RBFOX1: variants seen among roughly 807,000 people sequenced by gnomAD.
The protein encoded by RBFOX1 is RNA binding fox-1 homolog 1.
Under a neutral mutation model 57.7 loss-of-function variants are expected in RBFOX1, and 8 were observed. The ratio of observed to expected loss-of-function variants is 0.14; its 90% CI spans 0.08 to 0.25. The LOEUF is 0.25. Among genes scored for constraint, RBFOX1 ranks in the 10% least tolerant of loss-of-function variants. The pLI is 1.00. For synonymous variants in RBFOX1, 326 were observed against 222.4 expected (o/e 1.47, Z -4.15); for missense variants, 611 against 548.5 (o/e 1.11, Z -1.14).
At chr16:5,350,797 G>A (rs547900842) in intron 1 of RBFOX1, among the ~76,000 whole-genome samples, 343 of 152,296 alleles carry the variant, frequency 2.3e-3, no homozygotes, top group African/African-American at 7.7e-3. Context: ...ACCCGGAGGC[G>A]GAGGTTGCAG....
At chr16:7,285,075 CTTTTTTTTTTTTTTTT>C (rs58959488) in intron 4 of RBFOX1, among the ~76,000 whole-genome samples, 6 of 42,732 alleles carry the variant, frequency 1.4e-4, no homozygotes, top group Non-Finnish European at 2.4e-4. Flanking sequence ...AGATTCCTTA[CTTTTTTTTTTTTTTTT>C]TTTTTTTTTT....
At chr16:5,700,959 G>A (rs957012157) in intron 3 of RBFOX1, among the ~76,000 whole-genome samples, 2 of 152,212 alleles carry the variant, frequency 1.3e-5, no homozygotes, top group African/African-American at 4.8e-5. Context: ...AAGGTTAAGA[G>A]GAATGCTACT....
intron 1 of RBFOX1, among the ~76,000 whole-genome samples, chr16:6,156,984 TG>T (rs1342785089): frequency 1.3e-5 from 2 of 151,896 alleles, no homozygotes; most frequent in Non-Finnish European, 2.9e-5. Context: ...GGACTGTAGG[TG>T]GGCAGTGACT....
intron 3 of RBFOX1, among the ~76,000 whole-genome samples, chr16:5,831,473 T>TTATTATTATTATTATTATTA (rs2056271261): frequency 7.1e-6 from 1 of 141,518 alleles, no homozygotes; most frequent in Non-Finnish European, 1.5e-5. Flanking sequence ...TCTTTTCTCT[T>TTATTATTATTATTATTATTA]TTATTATTAT....
chr16:6,741,940 A>G (rs1021365415), intron 3 of RBFOX1, among the ~76,000 whole-genome samples: 4 of 152,204 alleles, frequency 2.6e-5, no homozygotes, highest in Admixed American at 2.6e-4. Context: ...ACTGTAGTTA[A>G]TAATTCTGTA....
chr16:6,369,328 G>T (rs2090106005), intron 2 of RBFOX1, among the ~76,000 whole-genome samples: 1 of 152,102 alleles, frequency 6.6e-6, no homozygotes, highest in Admixed American at 6.5e-5. Context: ...TGCTGAACTT[G>T]CTGGGTCGGA....
intron 7 of RBFOX1, among the ~76,000 whole-genome samples, chr16:7,594,475 A>G (rs532364515): frequency 1.3e-5 from 2 of 152,304 alleles, no homozygotes; most frequent in South Asian, 4.1e-4. Flanking sequence ...AAGATGTACA[A>G]ATATTTTTAG....
intron 3 of RBFOX1, among the ~76,000 whole-genome samples, chr16:6,720,143 C>A (rs911709275): frequency 6.6e-5 from 10 of 151,908 alleles, no homozygotes; most frequent in Non-Finnish European, 1.5e-4. Flanking sequence ...TAGTAAAGTG[C>A]ATGCTTAGCA....
chr16:5,430,805 T>C (rs2067709919), intron 1 of RBFOX1, among the ~76,000 whole-genome samples: 1 of 152,240 alleles, frequency 6.6e-6, no homozygotes, highest in Non-Finnish European at 1.5e-5. Context: ...TTTGCAATAG[T>C]CTTTACTGCC....
chr16:5,541,352 T>A (rs8051318), intron 2 of RBFOX1, among the ~76,000 whole-genome samples: 125,557 of 152,086 alleles, frequency 0.83, 52,623 homozygotes, highest in East Asian at 0.99. Context: ...CCCATGACAC[T>A]GCCTCAGGAG....
chr16:6,729,619 G>T (rs1426792722), intron 3 of RBFOX1, among the ~76,000 whole-genome samples: 1 of 152,080 alleles, frequency 6.6e-6, no homozygotes, highest in Non-Finnish European at 1.5e-5. Flanking sequence ...AGGGTTCTTG[G>T]CTGTGTGTAG....
intron 2 of RBFOX1, among the ~76,000 whole-genome samples, chr16:6,396,613 A>T (rs2092847125): frequency 6.6e-6 from 1 of 152,216 alleles, no homozygotes; most frequent in South Asian, 2.1e-4. Flanking sequence ...GCAGAATGGG[A>T]GTGTGAATCC....
At chr16:6,893,709 C>T (rs542220834) in intron 3 of RBFOX1, among the ~76,000 whole-genome samples, 1 of 152,158 alleles carries the variant, frequency 6.6e-6, no homozygotes, top group Non-Finnish European at 1.5e-5. Context: ...AATATCTTTT[C>T]AGTGTAATTT....
chr16:6,817,474 G>C (rs61711771), intron 3 of RBFOX1, among the ~76,000 whole-genome samples: 2 of 149,940 alleles, frequency 1.3e-5, no homozygotes, highest in African/African-American at 4.9e-5. Context: ...CAGGCAGATT[G>C]GTTGAGGTCA....
chr16:6,891,645 C>G (rs1289186064), intron 3 of RBFOX1, among the ~76,000 whole-genome samples: 1 of 152,226 alleles, frequency 6.6e-6, no homozygotes, highest in African/African-American at 2.4e-5. Flanking sequence ...CTTGCTTAAT[C>G]TCTGCAAGTT....
intron 2 of RBFOX1, among the ~76,000 whole-genome samples, chr16:5,598,095 G>A (rs1361694512): frequency 6.6e-6 from 1 of 151,984 alleles, no homozygotes; most frequent in Non-Finnish European, 1.5e-5. Context: ...TCAGGAGTTC[G>A]AGACCAGCCT....
chr16:6,862,743 G>C (rs2059234315), intron 3 of RBFOX1, among the ~76,000 whole-genome samples: 2 of 152,166 alleles, frequency 1.3e-5, no homozygotes, highest in Admixed American at 6.5e-5. Flanking sequence ...CCGGCGCTTT[G>C]TAAGGCCGAG....
At chr16:5,712,361 C>G (rs1461485973) in intron 3 of RBFOX1, among the ~76,000 whole-genome samples, 1 of 152,178 alleles carries the variant, frequency 6.6e-6, no homozygotes, top group Non-Finnish European at 1.5e-5. Flanking sequence ...ATTATGTAGA[C>G]AAGTGCTCTA....
At chr16:7,389,001 T>C (rs1348740478) in intron 4 of RBFOX1, among the ~76,000 whole-genome samples, 1 of 152,232 alleles carries the variant, frequency 6.6e-6, no homozygotes, top group Non-Finnish European at 1.5e-5. Context: ...AAACATTTTT[T>C]TAAAGTGTGA....
Sources: allele counts gnomAD v4.1 joint callset (sites outside exome capture counted in the v4.1 genomes callset), GRCh38; gene constraint gnomAD v4.1.1; transcripts MANE v1.5; gene names NCBI Gene and HGNC (gene_info 2026-07-23, HGNC 2026-07-21).